RAB40B: variants seen among roughly 807,000 people sequenced by gnomAD.
The protein encoded by RAB40B is ras-related protein Rab-40B.
Under a neutral mutation model 24.0 loss-of-function variants are expected in RAB40B, and 21 were observed. That is an observed-to-expected ratio of 0.88 (90% CI 0.62 to 1.26). The LOEUF is 1.26. RAB40B is among the 50% of genes most tolerant of loss of function. The pLI is 0.00. For synonymous variants in RAB40B, 167 were observed against 169.8 expected (o/e 0.98, Z 0.13); for missense variants, 348 against 390.5 (o/e 0.89, Z 0.92).
chr17:82,660,115 A>T (rs1052233681), intron 3 of RAB40B, among the ~76,000 whole-genome samples: 11 of 151,068 alleles, frequency 7.3e-5, no homozygotes, highest in Non-Finnish European at 1.5e-5. Flanking sequence ...CAGTGCACAT[A>T]CCTGCACACG....
rs147246318 is a variant in RAB40B at position 82,680,110 on chromosome 17, C to T, written c.143-15554G>A. 9.0e-3 allele frequency among the ~76,000 whole-genome samples: 1,373 copies of T among 152,358 alleles called. 26 individuals carry two copies. Among genetic ancestry groups the T allele is most frequent in the African/African-American group, 0.031 (1,287 of 41,586 alleles). ...GGGGGCAGCTGTCCTCGGGCTGGCC[C>T]GTCCTGCTCAGACCGGAGGCCTGGC... is the stretch of plus-strand genomic sequence containing the variant. On this transcript the variant is annotated intron_variant, in intron 1 of 5. Coordinates refer to ENST00000571995, the MANE Select transcript of RAB40B (RefSeq NM_006822.3).
At position 82,658,620 on chromosome 17, in the gene RAB40B, C is replaced by T. The variant is rs1206520327; in HGVS notation, c.436G>A (p.Glu146Lys). Residue 146 changes from glutamate (E) to lysine (K), a missense_variant, in exon 5 of 6, where the codon GAG becomes AAG. Coordinates refer to ENST00000571995, the MANE Select transcript of RAB40B (RefSeq NM_006822.3). ...VPTEQAQAYA[E>K]RLGVTFFEVS... ...TCAAAGAAGGTCACGCCCAGGCGCT[C>T]GGCGTAGGCCTGGGCCTGCTCCGTG... 5.6e-6 allele frequency: 9 copies of T among 1,613,174 alleles called. No homozygotes were observed. Among genetic ancestry groups the T allele is most frequent in the African/African-American group, 2.7e-5 (2 of 74,846 alleles).
chr17:82,659,699 C>T (rs1460748042), intron 3 of RAB40B, 42 bp from the exon 4 acceptor site: 2 of 1,514,842 alleles, frequency 1.3e-6, no homozygotes, highest in African/African-American at 2.7e-5. Flanking sequence ...AACACAGATG[C>T]AGGCACAGCT....
Position 82,698,690 on chromosome 17 carries a change from T to C in RAB40B, c.-94A>G. On this transcript the variant is annotated 5_prime_UTR_variant, in exon 1 of 6. Transcript: ENST00000571995. Reference sequence around the variant, plus strand: ...CGAGAGGCGCCGCGCGGGCCCCGAGTCCTTGCTCGCCTCCGGCCCCGCCCC... The same window carrying C: ...CGAGAGGCGCCGCGCGGGCCCCGAGCCCTTGCTCGCCTCCGGCCCCGCCCC... The C allele has an allele frequency of 8.1e-6, 8 of 989,818 alleles. No homozygotes were observed. Among genetic ancestry groups the C allele is most frequent in the Non-Finnish European group, 1.0e-5 (8 of 798,590 alleles). 61.3% of individuals were successfully genotyped at this position (989,818 alleles called of 1,614,324 possible). A position where few individuals can be genotyped will look rare whatever the true frequency, so the allele number is the denominator to read the frequency against.
chr17:82,683,278 A>G (rs2046463425), intron 1 of RAB40B, among the ~76,000 whole-genome samples: 1 of 152,256 alleles, frequency 6.6e-6, no homozygotes, highest in Admixed American at 6.5e-5. Flanking sequence ...TAGATATGAC[A>G]TTAAAAGGAT....
intron 1 of RAB40B, among the ~76,000 whole-genome samples, chr17:82,685,421 G>A (rs1598314130): frequency 6.6e-6 from 1 of 152,090 alleles, no homozygotes; most frequent in South Asian, 2.1e-4. Context: ...ACACAGGGAC[G>A]AAGCTTCAGT....
At chr17:82,673,971 C>T (rs1045744683) in intron 1 of RAB40B, among the ~76,000 whole-genome samples, 1 of 152,148 alleles carries the variant, frequency 6.6e-6, no homozygotes, top group African/African-American at 2.4e-5. Context: ...AACTTTTATC[C>T]CTTCTTTGAA....
intron 1 of RAB40B, among the ~76,000 whole-genome samples, chr17:82,668,597 AC>A (rs2046289559): frequency 1.3e-5 from 2 of 152,206 alleles, no homozygotes; most frequent in Non-Finnish European, 2.9e-5. Flanking sequence ...CCAAGTGTGG[AC>A]CCACCCGGAT....
chr17:82,691,293 G>A lies in RAB40B; in HGVS notation c.142+7162C>T, dbSNP rs530343736. On this transcript the variant is annotated intron_variant, in intron 1 of 5. Coordinates refer to ENST00000571995, the MANE Select transcript of RAB40B (RefSeq NM_006822.3). ...GAAGAAACAGCCAGGAGAAAGGATTGGAGAAGACAATGAGGCCCTCATGCT... is the reference window on the plus strand; with the variant it reads ...GAAGAAACAGCCAGGAGAAAGGATTAGAGAAGACAATGAGGCCCTCATGCT... Among the ~76,000 whole-genome samples, 14 of 152,354 alleles carry A rather than the reference G, an allele frequency of 9.2e-5. No individual in the cohort carries two copies. In the South Asian group the frequency reaches 2.5e-3, roughly 27 times the overall value.
chr17:82,661,098 C>A, intron 2 of RAB40B, 51 bp from the exon 3 acceptor site: 1 of 1,599,976 alleles, frequency 6.3e-7, no homozygotes, highest in Non-Finnish European at 8.5e-7. Flanking sequence ...TTCTTCCTGA[C>A]AACAGGTTCT....
chr17:82,673,526 C>A (rs1568037733), intron 1 of RAB40B, among the ~76,000 whole-genome samples: 2 of 152,176 alleles, frequency 1.3e-5, no homozygotes, highest in East Asian at 3.9e-4. Flanking sequence ...TGAGACTTTG[C>A]ACGTCTGAAA....
At chr17:82,678,571 G>A (rs946065250) in intron 1 of RAB40B, among the ~76,000 whole-genome samples, 3 of 152,182 alleles carry the variant, frequency 2.0e-5, no homozygotes, top group African/African-American at 7.2e-5. Flanking sequence ...CTTCACAAGC[G>A]AGGATCTGTT....
intron 1 of RAB40B, among the ~76,000 whole-genome samples, chr17:82,671,311 T>C (rs1237020009): frequency 4.1e-5 from 6 of 145,074 alleles, no homozygotes; most frequent in Non-Finnish European, 9.0e-5. Flanking sequence ...ACCCCGTAAC[T>C]CTAACACACT....
At position 82,698,549 on chromosome 17, in the gene RAB40B, C is replaced by A. The variant is rs1273911770; in HGVS notation, c.48G>T (p.Lys16Asn). 2 of 1,525,374 alleles carry A rather than the reference C, an allele frequency of 1.3e-6. No homozygotes were observed. Among genetic ancestry groups the A allele is most frequent in the Admixed American group, 1.9e-5 (1 of 52,812 alleles). The allele number at this position is 1,525,374 out of a possible 1,614,324, so 94.5% of individuals were successfully genotyped here. ...SPVRAYDFLL[K>N]FLLVGDSDVG... ...CGTCGCTGTCGCCCACCAGCAGGAACTTGAGCAGAAAGTCGTAGGCCCGGA... is the reference window on the plus strand; with the variant it reads ...CGTCGCTGTCGCCCACCAGCAGGAAATTGAGCAGAAAGTCGTAGGCCCGGA... The change falls in exon 1 of 6, where the codon AAG becomes AAT. Residue 16 changes from lysine to asparagine, a missense_variant. Lys to Asn is a moderately conservative substitution (Grantham distance 94). Transcript: ENST00000571995.
chr17:82,690,489 G>C (rs1338618064), intron 1 of RAB40B, among the ~76,000 whole-genome samples: 7 of 117,130 alleles, frequency 6.0e-5, no homozygotes, highest in Admixed American at 9.2e-5. Context: ...CACGTGTGTT[G>C]CCGGGGAGCA....
intron 1 of RAB40B, among the ~76,000 whole-genome samples, chr17:82,668,751 AC>A (rs2046292487): frequency 6.6e-6 from 1 of 152,204 alleles, no homozygotes; most frequent in African/African-American, 2.4e-5. Flanking sequence ...CTCCAAGAGC[AC>A]AGAGACGCCC....
chr17:82,668,212 G>C (rs1455638157), intron 1 of RAB40B: 2 of 154,570 alleles, frequency 1.3e-5, no homozygotes, highest in African/African-American at 2.4e-5. Flanking sequence ...GCGTTGCTCT[G>C]AGTCTGGGGT....
intron 3 of RAB40B, among the ~76,000 whole-genome samples, chr17:82,660,566 A>G (rs2046156832): frequency 6.6e-6 from 1 of 151,658 alleles, no homozygotes; most frequent in Non-Finnish European, 1.5e-5. Context: ...ACACACACAC[A>G]CGCACAGGCA....
chr17:82,695,912 T>C (rs192218361), intron 1 of RAB40B, among the ~76,000 whole-genome samples: 257 of 152,178 alleles, frequency 1.7e-3, no homozygotes, highest in Non-Finnish European at 2.9e-3. Context: ...ATTTCGCTCT[T>C]GTTGCCCAGG....
Sources: gnomAD v4.1 joint callset for allele counts (sites outside exome capture counted in the v4.1 genomes callset) on GRCh38, gnomAD v4.1.1 for gene constraint, MANE v1.5 for transcripts, NCBI Gene and HGNC (gene_info 2026-07-23, HGNC 2026-07-21) for gene names.